Variants in SLC14A2 observed in about 807,000 individuals in gnomAD.
SLC14A2 encodes solute carrier family 14 member 2, also known as urea transporter 2.
A neutral mutation model predicts 104.6 loss-of-function variants in SLC14A2; 91 were observed. The observed-to-expected ratio is 0.87, with a 90% CI of 0.73 to 1.04. SLC14A2 has a LOEUF of 1.04. Ranked by LOEUF, SLC14A2 falls within the 50% of genes least tolerant of loss-of-function variation. SLC14A2 has a pLI of 0.00. For missense variants in SLC14A2, 1,189 were observed against 1,156.0 expected (o/e 1.03, Z -0.41); for synonymous variants, 476 against 466.4 (o/e 1.02, Z -0.27).
chr18:45,394,344 A>G (rs1453666129), intron 1 of SLC14A2, among the ~76,000 whole-genome samples: 3 of 152,164 alleles, frequency 2.0e-5, no homozygotes, highest in Non-Finnish European at 2.9e-5. Context: ...TCACAGAATC[A>G]TGCTCCTTAA....
At chr18:45,440,693 T>C (rs75333543) in intron 1 of SLC14A2, among the ~76,000 whole-genome samples, 5,356 of 152,236 alleles carry the variant, frequency 0.035, 313 homozygotes, top group African/African-American at 0.12. Flanking sequence ...AACTGATCTC[T>C]CTCAAAGCTT....
chr18:45,411,266 A>T (rs2086212381), intron 1 of SLC14A2, among the ~76,000 whole-genome samples: 1 of 152,222 alleles, frequency 6.6e-6, no homozygotes, highest in African/African-American at 2.4e-5. Flanking sequence ...AAATTTATCC[A>T]GTGCTTTTGT....
intron 2 of SLC14A2, among the ~76,000 whole-genome samples, chr18:45,599,424 C>T (rs557980637): frequency 1.1e-4 from 17 of 152,344 alleles, no homozygotes; most frequent in African/African-American, 2.9e-4. Context: ...GTCCTGGCCG[C>T]GACCTGCTCT....
chr18:45,226,345 T>C (rs977628301), intron 1 of SLC14A2, among the ~76,000 whole-genome samples: 2 of 152,222 alleles, frequency 1.3e-5, no homozygotes, highest in Non-Finnish European at 2.9e-5. Context: ...TTATAAATCA[T>C]GCTGCTGTAA....
intron 1 of SLC14A2, among the ~76,000 whole-genome samples, chr18:45,246,011 G>A (rs565359298): frequency 4.9e-4 from 74 of 152,264 alleles, no homozygotes; most frequent in African/African-American, 1.7e-3. Flanking sequence ...GGACTGAATT[G>A]TGTTTCCTCC....
At chr18:45,210,914 A>G (rs948113868), upstream of SLC14A2, among the ~76,000 whole-genome samples, 3 of 152,230 alleles carry the variant, frequency 2.0e-5, no homozygotes, top group African/African-American at 7.2e-5. Context: ...TCTCAGTACA[A>G]CTTCAAATAT....
At chr18:45,200,573 C>T in the SLC14A2 span, among the ~76,000 whole-genome samples, 1 of 151,844 alleles carries the variant, frequency 6.6e-6, no homozygotes, top group South Asian at 2.1e-4. Flanking sequence ...TTTTCATATG[C>T]CATTTCTACC....
chr18:45,255,135 G>T (rs1048395102), intron 1 of SLC14A2, among the ~76,000 whole-genome samples: 3 of 151,498 alleles, frequency 2.0e-5, no homozygotes, highest in African/African-American at 4.9e-5. Flanking sequence ...CATTCCCCCC[G>T]AACACACTGT....
At chr18:45,289,913 A>C (rs902954517) in intron 1 of SLC14A2, among the ~76,000 whole-genome samples, 1 of 152,224 alleles carries the variant, frequency 6.6e-6, no homozygotes, top group African/African-American at 2.4e-5. Flanking sequence ...TGAGTTGTTT[A>C]CACTGAAAAA....
At chr18:45,655,394 G>A (rs1003763748) in intron 10 of SLC14A2, among the ~76,000 whole-genome samples, 1 of 152,212 alleles carries the variant, frequency 6.6e-6, no homozygotes, top group African/African-American at 2.4e-5. Context: ...AGATGTGATA[G>A]GTAGTGTCCG....
At chr18:45,376,882 T>C (rs987433252) in intron 1 of SLC14A2, among the ~76,000 whole-genome samples, 3 of 152,222 alleles carry the variant, frequency 2.0e-5, no homozygotes, top group African/African-American at 7.2e-5. Flanking sequence ...TTTCTCTTGC[T>C]CATACTTTTC....
intron 2 of SLC14A2, among the ~76,000 whole-genome samples, chr18:45,581,057 G>A (rs533357811): frequency 3.5e-4 from 53 of 152,290 alleles, no homozygotes; most frequent in Middle Eastern, 3.4e-3. Flanking sequence ...ATGGGGAAGG[G>A]AGGGAATGTG....
chr18:45,656,766 C>T (rs2035532), intron 10 of SLC14A2, among the ~76,000 whole-genome samples: 63,407 of 152,010 alleles, frequency 0.42, 13,697 homozygotes, highest in Admixed American at 0.47. Flanking sequence ...TGCTAATTAA[C>T]GTCTTCCCCA....
chr18:45,309,799 C>T (rs1449781143), intron 1 of SLC14A2, among the ~76,000 whole-genome samples: 3 of 152,158 alleles, frequency 2.0e-5, no homozygotes, highest in Admixed American at 6.5e-5. Flanking sequence ...TAAAACATTA[C>T]AGATATCAGC....
chr18:45,172,094 T>C, the SLC14A2 span, among the ~76,000 whole-genome samples: 4 of 152,182 alleles, frequency 2.6e-5, no homozygotes, highest in Non-Finnish European at 4.4e-5. Context: ...GGGCTGAGCA[T>C]GCAAATAAGA....
intron 1 of SLC14A2, among the ~76,000 whole-genome samples, chr18:45,319,075 C>A (rs909494076): frequency 2.0e-5 from 3 of 152,174 alleles, no homozygotes; most frequent in African/African-American, 4.8e-5. Flanking sequence ...CTGGCTTCCA[C>A]GTGAAGACTT....
intron 1 of SLC14A2, among the ~76,000 whole-genome samples, chr18:45,437,397 G>T (rs150181110): frequency 3.9e-5 from 6 of 152,266 alleles, no homozygotes; most frequent in Admixed American, 1.3e-4. Context: ...AGACAAGGAA[G>T]TTAAGCTGTT....
intron 1 of SLC14A2, among the ~76,000 whole-genome samples, chr18:45,354,975 A>C (rs1362208547): frequency 6.6e-6 from 1 of 152,208 alleles, no homozygotes; most frequent in Non-Finnish European, 1.5e-5. Flanking sequence ...TAAATGGAGC[A>C]TATATTGGTA....
intron 1 of SLC14A2, among the ~76,000 whole-genome samples, chr18:45,255,745 T>C (rs2084470518): frequency 6.6e-6 from 1 of 152,074 alleles, no homozygotes; most frequent in South Asian, 2.1e-4. Flanking sequence ...TTCAAATACT[T>C]GTGGTTTTAA....
Sources: gnomAD v4.1 joint callset for allele counts (sites outside exome capture counted in the v4.1 genomes callset) on GRCh38, gnomAD v4.1.1 for gene constraint, MANE v1.5 for transcripts, NCBI Gene and HGNC (gene_info 2026-07-23, HGNC 2026-07-21) for gene names.